ACOXL: variants seen among roughly 807,000 people sequenced by gnomAD.
ACOXL encodes acyl-CoA oxidase like.
Under a neutral mutation model 71.9 loss-of-function variants are expected in ACOXL, and 70 were observed. The ratio of observed to expected loss-of-function variants is 0.97; its 90% CI spans 0.80 to 1.19. ACOXL has a LOEUF of 1.19. ACOXL is among the 50% of genes most tolerant of loss of function. ACOXL has a pLI of 0.00. For synonymous variants in ACOXL, 253 were observed against 281.6 expected (o/e 0.90, Z 1.02); for missense variants, 703 against 736.3 (o/e 0.95, Z 0.52).
chr2:110,780,979 A>G (rs1193644339), intron 2 of ACOXL, among the ~76,000 whole-genome samples: 2 of 152,098 alleles, frequency 1.3e-5, no homozygotes, highest in African/African-American at 4.8e-5. Context: ...ACAGTGAGCT[A>G]CGATCACACC....
At chr2:110,812,106 A>G (rs991596772) in intron 9 of ACOXL, among the ~76,000 whole-genome samples, 2 of 152,208 alleles carry the variant, frequency 1.3e-5, no homozygotes, top group African/African-American at 4.8e-5. Flanking sequence ...ACATGAGCTG[A>G]GTAATTGTTG....
intron 9 of ACOXL, among the ~76,000 whole-genome samples, chr2:110,838,321 T>C (rs1372746953): frequency 2.0e-5 from 3 of 152,154 alleles, no homozygotes; most frequent in Non-Finnish European, 4.4e-5. Context: ...CTAGTGTGCA[T>C]ATGTGTGTGT....
intron 1 of ACOXL, among the ~76,000 whole-genome samples, chr2:110,743,876 T>C (rs55927063): frequency 0.054 from 8,211 of 152,298 alleles, 357 homozygotes; most frequent in African/African-American, 0.11. Context: ...GAAATCCCAC[T>C]GGCTGACTTG....
chr2:110,839,500 A>C (rs1690873705), intron 9 of ACOXL, among the ~76,000 whole-genome samples: 1 of 152,204 alleles, frequency 6.6e-6, no homozygotes, highest in African/African-American at 2.4e-5. Context: ...GTTGAGATAG[A>C]GAATTGAAAA....
intron 10 of ACOXL, among the ~76,000 whole-genome samples, chr2:110,876,791 G>A (rs867568230): frequency 3.9e-5 from 6 of 152,240 alleles, no homozygotes; most frequent in Middle Eastern, 3.4e-3. Context: ...TTGTTTGAGC[G>A]CCCCCTAGGT....
chr2:111,101,055 T>C (rs2069122152), intron 17 of ACOXL: 1 of 152,656 alleles, frequency 6.6e-6, no homozygotes, highest in African/African-American at 2.4e-5. Flanking sequence ...AATGGCATCT[T>C]GCTTTATTCT....
chr2:110,926,547 C>G (rs1463622235), intron 11 of ACOXL, among the ~76,000 whole-genome samples: 1 of 152,050 alleles, frequency 6.6e-6, no homozygotes, highest in Non-Finnish European at 1.5e-5. Flanking sequence ...GTCAGTTTCC[C>G]CATCTATAAC....
chr2:110,999,610 CA>C (rs2149609504), intron 14 of ACOXL, among the ~76,000 whole-genome samples: 1 of 152,232 alleles, frequency 6.6e-6, no homozygotes, highest in African/African-American at 2.4e-5. Flanking sequence ...TGACATACAG[CA>C]GAAATAATGG....
At chr2:111,003,618 T>C (rs1052389484) in intron 14 of ACOXL, among the ~76,000 whole-genome samples, 1 of 147,098 alleles carries the variant, frequency 6.8e-6, no homozygotes, top group African/African-American at 2.5e-5. Flanking sequence ...CGAGCTTCAG[T>C]TCTCACATCT....
At chr2:111,093,859 A>G (rs1215262115) in intron 17 of ACOXL, 1 of 211,116 alleles carries the variant, frequency 4.7e-6, no homozygotes, top group African/African-American at 2.3e-5. Context: ...GTGAGACTCC[A>G]TCTCAAAACA....
intron 10 of ACOXL, among the ~76,000 whole-genome samples, chr2:110,885,513 G>A (rs571245645): frequency 1.3e-5 from 2 of 151,712 alleles, no homozygotes; most frequent in East Asian, 3.9e-4. Context: ...GTTATGCTTC[G>A]TATTTCATAT....
At chr2:110,977,001 A>C (rs2062473728) in intron 12 of ACOXL, among the ~76,000 whole-genome samples, 1 of 152,162 alleles carries the variant, frequency 6.6e-6, no homozygotes, top group African/African-American at 2.4e-5. Context: ...TTAAAGGTAA[A>C]AGATTGGGTA....
At chr2:110,963,406 A>G (rs1558795127) in intron 12 of ACOXL, among the ~76,000 whole-genome samples, 1 of 152,230 alleles carries the variant, frequency 6.6e-6, no homozygotes, top group Non-Finnish European at 1.5e-5. Flanking sequence ...CACCAAAATA[A>G]TATTCGTGAA....
At chr2:110,930,285 C>A (rs763889736) in intron 11 of ACOXL, among the ~76,000 whole-genome samples, 1 of 152,214 alleles carries the variant, frequency 6.6e-6, no homozygotes, top group Non-Finnish European at 1.5e-5. Flanking sequence ...TCAGATTTGA[C>A]CACCCCACTG....
chr2:111,030,773 G>A (rs922644804), intron 14 of ACOXL, among the ~76,000 whole-genome samples: 4 of 152,078 alleles, frequency 2.6e-5, no homozygotes, highest in African/African-American at 9.7e-5. Context: ...AACCCATGTG[G>A]TTTTCGAAAC....
At chr2:110,883,336 G>A (rs1032293377) in intron 10 of ACOXL, among the ~76,000 whole-genome samples, 15 of 151,722 alleles carry the variant, frequency 9.9e-5, no homozygotes, top group East Asian at 9.7e-4. Flanking sequence ...TCTCAAACTC[G>A]TAGCCCCAAG....
At chr2:110,877,631 G>T (rs1290606566) in intron 10 of ACOXL, among the ~76,000 whole-genome samples, 1 of 152,108 alleles carries the variant, frequency 6.6e-6, no homozygotes. Flanking sequence ...CTCTACTTGG[G>T]TCACCACGGA....
chr2:111,028,115 G>A (rs1260032577), intron 14 of ACOXL, among the ~76,000 whole-genome samples: 1 of 151,926 alleles, frequency 6.6e-6, no homozygotes, highest in Non-Finnish European at 1.5e-5. Context: ...CAAGAACCCA[G>A]GAGGTCAAGG....
At chr2:110,848,909 A>G (rs1302772538) in intron 10 of ACOXL, among the ~76,000 whole-genome samples, 4 of 152,202 alleles carry the variant, frequency 2.6e-5, no homozygotes, top group Admixed American at 1.3e-4. Context: ...GACCTTTAGC[A>G]CGGGATTCAG....
Sources: allele counts gnomAD v4.1 joint callset (sites outside exome capture counted in the v4.1 genomes callset), GRCh38; gene constraint gnomAD v4.1.1; transcripts MANE v1.5; gene names NCBI Gene and HGNC (gene_info 2026-07-23, HGNC 2026-07-21).